Variants in NEIL3 observed in about 807,000 individuals in gnomAD.
The protein encoded by NEIL3 is endonuclease 8-like 3.
NEIL3 carries 48 observed loss-of-function variants against 57.5 expected under a neutral mutation model. The ratio of observed to expected loss-of-function variants is 0.83; its 90% CI spans 0.66 to 1.06. NEIL3 has a LOEUF of 1.06. NEIL3 is among the 50% of genes least tolerant of loss of function. The pLI is 0.00. For missense variants in NEIL3, 717 were observed against 739.1 expected, an observed-to-expected ratio of 0.97 and a Z score of 0.35; for synonymous variants, 261 against 253.2, an observed-to-expected ratio of 1.03 and a Z score of -0.29.
intron 2 of NEIL3, among the ~76,000 whole-genome samples, chr4:177,326,507 T>G (rs895900015): frequency 6.6e-6 from 1 of 152,120 alleles, no homozygotes; most frequent in African/African-American, 2.4e-5. Context: ...GTCGTCTGAC[T>G]TTATTCTTTT....
chr4:177,341,585 GAA>G lies in NEIL3; in HGVS notation c.813_814del (p.Arg271SerfsTer17), dbSNP rs113675691. On this transcript the variant is annotated frameshift_variant, in exon 6 of 10. Transcript: ENST00000264596. LOFTEE classifies it high-confidence loss of function. Reference sequence around the variant, plus strand: ...GTGTGCCGCTTTGGGGACAATAACAGAATGACATATTTCTGTCCTCACTGTCA... The same window carrying G: ...GTGTGCCGCTTTGGGGACAATAACAGTGACATATTTCTGTCCTCACTGTCA... 4 of 1,613,658 alleles carry G rather than the reference GAA, an allele frequency of 2.5e-6. No homozygotes were observed. The highest frequency in any genetic ancestry group is 2.7e-5 in the African/African-American group (2 of 74,954).
chr4:177,320,903 A>G (rs900913242), intron 1 of NEIL3, among the ~76,000 whole-genome samples: 2 of 151,714 alleles, frequency 1.3e-5, no homozygotes, highest in African/African-American at 4.8e-5. Flanking sequence ...AAATTCTGGC[A>G]TTGACTGTAG....
In NEIL3 at chr4:177,336,651, T is replaced by C. The variant is rs556751311; in HGVS notation, c.627+330T>C. On this transcript the variant is annotated intron_variant, in intron 4 of 9. Transcript: ENST00000264596. ...ACTGATTGTTTAAAAGCTGTCTCCT[T>C]CTGCTAGAACACAGTCTCAAAAGGA... 4.4e-4 allele frequency among the ~76,000 whole-genome samples: 67 copies of C among 152,358 alleles called. 2 individuals are homozygous for C. In the South Asian group the frequency reaches 0.013, roughly 29 times the overall value.
intron 8 of NEIL3, among the ~76,000 whole-genome samples, chr4:177,358,371 G>A (rs1032290685): frequency 1.6e-4 from 24 of 151,952 alleles, no homozygotes; most frequent in East Asian, 5.8e-4. Flanking sequence ...GCAATGGCGC[G>A]ATCTCAGCTC....
chr4:177,318,562 T>G (rs1232092460), intron 1 of NEIL3, among the ~76,000 whole-genome samples: 3 of 152,186 alleles, frequency 2.0e-5, no homozygotes, highest in Non-Finnish European at 4.4e-5. Flanking sequence ...AAAATCTATC[T>G]ACTACTCTTC....
chr4:177,348,426 A>C (rs1471633540), intron 6 of NEIL3, among the ~76,000 whole-genome samples: 1 of 152,098 alleles, frequency 6.6e-6, no homozygotes, highest in Non-Finnish European at 1.5e-5. Flanking sequence ...ACGATGCAGT[A>C]TCTTTTGTTC....
chr4:177,339,878 CT>C (rs1405480341), intron 5 of NEIL3, 21 bp downstream of exon 5: 6 of 1,549,788 alleles, frequency 3.9e-6, no homozygotes, highest in Non-Finnish European at 4.5e-6. Context: ...AATTTTTCAA[CT>C]GTGTAAAATG....
intron 6 of NEIL3, among the ~76,000 whole-genome samples, chr4:177,349,869 C>T (rs749659604): frequency 5.9e-5 from 9 of 152,106 alleles, no homozygotes; most frequent in Non-Finnish European, 1.2e-4. Flanking sequence ...AAAGTTGGAG[C>T]ACATGGAAAA....
At chr4:177,326,387 A>G (rs1466902366) in intron 2 of NEIL3, among the ~76,000 whole-genome samples, 1 of 152,194 alleles carries the variant, frequency 6.6e-6, no homozygotes, top group Non-Finnish European at 1.5e-5. Flanking sequence ...ATTCAGAAGA[A>G]TATCAGATAA....
intron 9 of NEIL3, 69 bp from the exon 10 acceptor site, chr4:177,362,220 G>C: frequency 8.1e-7 from 1 of 1,241,726 alleles, no homozygotes; most frequent in Non-Finnish European, 1.1e-6. Context: ...AATCACATGT[G>C]CCTAGGGTTA....
chr4:177,356,956 G>A (rs1209105323), intron 8 of NEIL3: 3 of 152,144 alleles, frequency 2.0e-5, no homozygotes, highest in Admixed American at 1.3e-4. Flanking sequence ...CACATAGGAG[G>A]GTGAAATGAC....
chr4:177,331,060 T>C (rs905239199), intron 2 of NEIL3, among the ~76,000 whole-genome samples: 5 of 152,142 alleles, frequency 3.3e-5, no homozygotes, highest in Non-Finnish European at 7.4e-5. Flanking sequence ...ATTCAACAAC[T>C]AAAATAAATG....
rs578077915 is a variant in NEIL3, at chr4:177,327,423, T to A, written c.278+4843T>A. 1.5e-4 allele frequency among the ~76,000 whole-genome samples: 23 copies of A among 152,220 alleles called. No individual in the cohort carries two copies. The East Asian group carries it at 2.5e-3, about 17-fold the overall frequency. ...TCCTTTCTGATCTATATGACTTTTT[T>A]AAAAAAAATTTACTTCAAGTTCTAG... On this transcript the variant is annotated intron_variant, in intron 2 of 9. Transcript: ENST00000264596.
At chr4:177,347,010 A>G (rs1487461720) in intron 6 of NEIL3, among the ~76,000 whole-genome samples, 2 of 152,158 alleles carry the variant, frequency 1.3e-5, no homozygotes, top group East Asian at 1.9e-4. Context: ...TCAAAAAAAA[A>G]AAAAAAGAAA....
downstream of NEIL3, among the ~76,000 whole-genome samples, chr4:177,363,115 G>A (rs952022412): frequency 6.6e-6 from 1 of 152,104 alleles, no homozygotes; most frequent in African/African-American, 2.4e-5. Flanking sequence ...TAAAAGAGAG[G>A]TTGATTTATA....
intron 2 of NEIL3, among the ~76,000 whole-genome samples, chr4:177,326,201 A>G (rs1023260860): frequency 6.6e-6 from 1 of 151,950 alleles, no homozygotes; most frequent in Non-Finnish European, 1.5e-5. Flanking sequence ...TAGGATTATG[A>G]TCTATTTTGA....
intron 5 of NEIL3, 112 bp downstream of exon 5, chr4:177,339,969 A>C: frequency 1.5e-6 from 1 of 683,918 alleles, no homozygotes. Context: ...AAGAGCATGG[A>C]GGTACATTAA....
chr4:177,315,273 A>C (rs1218726344), intron 1 of NEIL3, among the ~76,000 whole-genome samples: 1 of 152,178 alleles, frequency 6.6e-6, no homozygotes, highest in Non-Finnish European at 1.5e-5. Flanking sequence ...GATAGGCAGG[A>C]TAAATGGTAA....
intron 6 of NEIL3, among the ~76,000 whole-genome samples, chr4:177,342,717 G>A (rs1176387427): frequency 5.9e-5 from 9 of 152,200 alleles, no homozygotes; most frequent in East Asian, 5.8e-4. Flanking sequence ...TTGATTAAAC[G>A]ATAAAGCAAA....
Sources: gnomAD v4.1 joint callset for allele counts (sites outside exome capture counted in the v4.1 genomes callset) on GRCh38, gnomAD v4.1.1 for gene constraint, MANE v1.5 for transcripts, NCBI Gene and HGNC (gene_info 2026-07-23, HGNC 2026-07-21) for gene names.